The following B4GALT7 variants were observed in gnomAD, a reference collection of about 807,000 sequenced individuals.
The protein encoded by B4GALT7 is UDP-Gal:beta-GlcNAc beta-1,4-galactosyltransferase 7.
B4GALT7 carries 30 observed loss-of-function variants against 33.0 expected under a neutral mutation model. The observed-to-expected ratio is 0.91, with a 90% CI of 0.68 to 1.23. B4GALT7 has a LOEUF of 1.23. Ranked by LOEUF, B4GALT7 falls within the 50% of genes most tolerant of loss-of-function variation. The pLI, the probability that B4GALT7 is intolerant of heterozygous loss-of-function variation, is 0.00. For missense variants in B4GALT7, 507 were observed against 450.8 expected, an observed-to-expected ratio of 1.12 and a Z score of -1.13; for synonymous variants, 213 against 187.2, an observed-to-expected ratio of 1.14 and a Z score of -1.13.
chr5:177,608,745 C>T lies in B4GALT7; in HGVS notation c.723+123C>T. 8.7e-7 allele frequency: 1 copy of T among 1,148,596 alleles called. No individual in the cohort carries two copies. Among genetic ancestry groups the T allele is most frequent in the South Asian group, 1.3e-5 (1 of 78,794 alleles). The allele number at this position is 1,148,596 out of a possible 1,614,324, so 71.2% of individuals were successfully genotyped here. A position where few individuals can be genotyped will look rare whatever the true frequency, so the allele number is the denominator to read the frequency against. On this transcript the variant is annotated intron_variant, in intron 4 of 5. Coordinates refer to ENST00000029410, the MANE Select transcript of B4GALT7 (RefSeq NM_007255.3). This position sits in a 1 kb window ranked among gnomAD's most constrained non-coding sequence, Gnocchi z 4.1. ...CCCTGATTCTGATCCCTGCCCTAAC[C>T]CTGCCCTGCATGGTCATCTAGCCAG...
chr5:177,608,282 C>G lies in B4GALT7; in HGVS notation c.640-257C>G. The G allele has an allele frequency of 1.9e-6, 1 of 537,068 alleles. No individual in the cohort carries two copies. The highest frequency in any genetic ancestry group is 2.1e-5 in the South Asian group (1 of 47,066). 33.3% of individuals were successfully genotyped at this position (537,068 alleles called of 1,614,324 possible). On this transcript the variant is annotated intron_variant, in intron 3 of 5. Transcript: ENST00000029410. The surrounding 1 kb of genome is among the most constrained non-coding windows in gnomAD (Gnocchi z 4.1). ...GGCGCTTCTGCCCATCGACAGTTCC[C>G]CACAGAGATCCCCTCTGGGCAGCCA...
chr5:177,609,078 CT>C, intron 5 of B4GALT7, 64 bp downstream of exon 5: 2 of 1,453,194 alleles, frequency 1.4e-6, no homozygotes, highest in Non-Finnish European at 1.9e-6. Context: ...CAGGCCCGGG[CT>C]TTCACCAAGT....
chr5:177,607,264 G>A lies in B4GALT7; in HGVS notation c.414-38G>A, dbSNP rs199773394. On this transcript the variant is annotated intron_variant, in intron 2 of 5. Transcript: ENST00000029410. ...GTGCTGAGCCCCAGGCAGTGAGCCC[G>A]TGTGCTGCCCCTGCCCAGCCTTGCC... The A allele has an allele frequency of 2.8e-5, 44 of 1,545,742 alleles. No homozygotes were observed. In the Middle Eastern group the frequency reaches 6.9e-4, roughly 24 times the overall value.
At chr5:177,601,436 C>T (rs1767839893) in intron 1 of B4GALT7, 1 of 152,242 alleles carries the variant, frequency 6.6e-6, no homozygotes, top group Non-Finnish European at 1.5e-5. Context: ...TTTTGAGGTC[C>T]TGTAACCAGA....
chr5:177,601,067 C>T (rs766831075), intron 1 of B4GALT7, among the ~76,000 whole-genome samples: 3 of 152,176 alleles, frequency 2.0e-5, no homozygotes, highest in Non-Finnish European at 4.4e-5. Context: ...TGGATCTCCT[C>T]CTCGTGAATG....
In B4GALT7 at chr5:177,600,660, A is replaced by C. The variant is rs908546109; in HGVS notation, c.50+400A>C. On this transcript the variant is annotated intron_variant, in intron 1 of 5. Coordinates refer to ENST00000029410, the MANE Select transcript of B4GALT7 (RefSeq NM_007255.3). This position sits in a 1 kb window ranked among gnomAD's most constrained non-coding sequence, Gnocchi z 4.4. ...TCTCTGACTCCGCTGACCTCTCACC[A>C]TGGATTTGTGTTTCTCAATTTGTCT... Among the ~76,000 whole-genome samples the C allele has an allele frequency of 2.6e-5, 4 of 151,874 alleles. No homozygotes were observed. Among genetic ancestry groups the C allele is most frequent in the Non-Finnish European group, 4.4e-5 (3 of 67,968 alleles).
chr5:177,602,188 TG>T (rs1037088081), intron 1 of B4GALT7, among the ~76,000 whole-genome samples: 1 of 151,952 alleles, frequency 6.6e-6, no homozygotes, highest in East Asian at 1.9e-4. Context: ...CACAGGATAA[TG>T]GGGGGTAAGT....
At position 177,600,277 on chromosome 5, in the gene B4GALT7, G is replaced by C; in HGVS notation, c.50+17G>C. 7.6e-7 allele frequency: 1 copy of C among 1,311,032 alleles called. No homozygotes were observed. The highest frequency in any genetic ancestry group is 9.7e-7 in the Non-Finnish European group (1 of 1,026,974). The allele number at this position is 1,311,032 out of a possible 1,614,324, so 81.2% of individuals were successfully genotyped here. On this transcript the variant is annotated intron_variant, in intron 1 of 5. Transcript: ENST00000029410. This position sits in a 1 kb window ranked among gnomAD's most constrained non-coding sequence, Gnocchi z 4.4. Reference sequence around the variant, plus strand: ...GGACGGCAGGTGAGCGGCGGCGGTGGGCCCGGGCCCCGTCCTCCCGGGCGC... The same window carrying C: ...GGACGGCAGGTGAGCGGCGGCGGTGCGCCCGGGCCCCGTCCTCCCGGGCGC...
Position 177,600,959 on chromosome 5 carries a change from G to A in B4GALT7, c.50+699G>A, listed in dbSNP as rs73337765. Among the ~76,000 whole-genome samples the A allele has an allele frequency of 0.044, 6,702 of 152,254 alleles. 184 individuals are homozygous for A. The highest frequency in any genetic ancestry group is 0.073 in the African/African-American group (3,039 of 41,522). On this transcript the variant is annotated intron_variant, in intron 1 of 5. Coordinates refer to ENST00000029410, the MANE Select transcript of B4GALT7 (RefSeq NM_007255.3). The surrounding 1 kb of genome is among the most constrained non-coding windows in gnomAD (Gnocchi z 4.4). ...CTTGGCCCACACCTTAGCTAATTTT[G>A]TTTCTCACTAAAGCAGAATGGGGAA...
intron 5 of B4GALT7, 147 bp downstream of exon 5, chr5:177,609,161 C>T (rs988302141): frequency 3.2e-5 from 25 of 781,060 alleles, no homozygotes; most frequent in Non-Finnish European, 4.6e-5. Context: ...TGCTTGGGCA[C>T]CGTGCCCTGC....
intron 1 of B4GALT7, chr5:177,602,696 G>C (rs985921185): frequency 3.9e-6 from 1 of 255,422 alleles, no homozygotes; most frequent in African/African-American, 2.3e-5. Flanking sequence ...GAGAACATGG[G>C]GCGAAGGCTT....
chr5:177,604,409 G>A lies in B4GALT7; in HGVS notation c.281G>A (p.Arg94His), dbSNP rs369809779. Reference sequence around the variant, plus strand: ...GAAGACGCATCCTGGGGCCCCCACCGCCTGGCAGTGCTGGTGCCCTTCCGC... The same window carrying A: ...GAAGACGCATCCTGGGGCCCCCACCACCTGGCAGTGCTGGTGCCCTTCCGC... ...WEEDASWGPHRLAVLVPFRER... is the reference protein window; with the variant it reads ...WEEDASWGPHHLAVLVPFRER... The change falls in exon 2 of 6, where the codon CGC becomes CAC. Residue 94 changes from arginine (R) to histidine (H), a missense_variant. By Grantham distance (29) the Arg-to-His change is conservative (BLOSUM62 0). Coordinates refer to ENST00000029410, the MANE Select transcript of B4GALT7 (RefSeq NM_007255.3). 1.2e-6 allele frequency: 2 copies of A among 1,613,670 alleles called. No individual in the cohort carries two copies. The highest frequency in any genetic ancestry group is 1.7e-6 in the Non-Finnish European group (2 of 1,179,824).
At chr5:177,602,791 G>A in intron 1 of B4GALT7, 1 of 982,744 alleles carries the variant, frequency 1.0e-6, no homozygotes, top group Non-Finnish European at 1.2e-6. Flanking sequence ...AAACAGAGGA[G>A]GGTCATTCAG....
At chr5:177,604,638 G>A (rs1046951823) in intron 2 of B4GALT7, 97 bp downstream of exon 2, 7 of 1,528,076 alleles carry the variant, frequency 4.6e-6, no homozygotes, top group Admixed American at 3.4e-5. Flanking sequence ...GCAGGAGGGC[G>A]GGAGGTGGCA....
chr5:177,600,294 C>T lies in B4GALT7; in HGVS notation c.50+34C>T. 1 of 1,296,656 alleles carries T rather than the reference C, an allele frequency of 7.7e-7. No homozygotes were observed. The highest frequency in any genetic ancestry group is 9.8e-7 in the Non-Finnish European group (1 of 1,019,252). The allele number at this position is 1,296,656 out of a possible 1,614,324, so 80.3% of individuals were successfully genotyped here. A position where few individuals can be genotyped will look rare whatever the true frequency, so the allele number is the denominator to read the frequency against. ...CGGCGGTGGGCCCGGGCCCCGTCCT[C>T]CCGGGCGCCGCTCCCTTCTCGGCCG... On this transcript the variant is annotated intron_variant, in intron 1 of 5. Coordinates refer to ENST00000029410, the MANE Select transcript of B4GALT7 (RefSeq NM_007255.3). This position sits in a 1 kb window ranked among gnomAD's most constrained non-coding sequence, Gnocchi z 4.4.
chr5:177,601,825 C>T (rs73337767), intron 1 of B4GALT7, among the ~76,000 whole-genome samples: 6,688 of 152,194 alleles, frequency 0.044, 182 homozygotes, highest in African/African-American at 0.073. Context: ...CAATTGTTCT[C>T]GGTGTCCACT....
chr5:177,607,795 A>G (rs1410627273), intron 3 of B4GALT7: 2 of 533,876 alleles, frequency 3.7e-6, no homozygotes, highest in Non-Finnish European at 6.8e-6. Context: ...TACCTTGCCC[A>G]CCTCTCAGAC....
Position 177,608,423 on chromosome 5 carries a change from GCACCCGGGGCTTATT to G in B4GALT7, c.640-113_640-99del, listed in dbSNP as rs1014287319. 2.2e-6 allele frequency: 2 copies of G among 906,140 alleles called. No homozygotes were observed. The highest frequency in any genetic ancestry group is 3.6e-6 in the Non-Finnish European group (2 of 561,632). 56.1% of individuals were successfully genotyped at this position (906,140 alleles called of 1,614,324 possible). ...ACTGCAGAAGTGCAGGAGCCTGCAAGCACCCGGGGCTTATTCAGAGGCGCTGGGGGAGAGGGGCAC... is the reference window on the plus strand; with the variant it reads ...ACTGCAGAAGTGCAGGAGCCTGCAAGCAGAGGCGCTGGGGGAGAGGGGCAC... On this transcript the variant is annotated intron_variant, in intron 3 of 5. Coordinates refer to ENST00000029410, the MANE Select transcript of B4GALT7 (RefSeq NM_007255.3). This position sits in a 1 kb window ranked among gnomAD's most constrained non-coding sequence, Gnocchi z 4.1.
At chr5:177,602,873 G>C (rs906263851) in intron 1 of B4GALT7, 1 of 870,462 alleles carries the variant, frequency 1.1e-6, no homozygotes, top group Admixed American at 1.8e-4. Flanking sequence ...TTAGGAGATA[G>C]AATTTATTTA....
Sources: allele counts gnomAD v4.1 joint callset (sites outside exome capture counted in the v4.1 genomes callset), GRCh38; gene constraint gnomAD v4.1.1; non-coding constraint Gnocchi (gnomAD v3.1); transcripts MANE v1.5; gene names NCBI Gene and HGNC (gene_info 2026-07-23, HGNC 2026-07-21).